AKR7A2: variants seen among roughly 807,000 people sequenced by gnomAD.
AKR7A2 encodes the protein aldo-keto reductase family 7 member A2.
AKR7A2 carries 29 observed loss-of-function variants against 37.3 expected under a neutral mutation model. The observed-to-expected ratio is 0.78, with a 90% CI of 0.58 to 1.06. AKR7A2 has a LOEUF of 1.06. Among genes scored for constraint, AKR7A2 ranks in the 50% least tolerant of loss-of-function variants. The pLI is 0.00. For missense variants in AKR7A2, 529 were observed against 497.9 expected, an observed-to-expected ratio of 1.06 and a Z score of -0.59; for synonymous variants, 228 against 217.8, an observed-to-expected ratio of 1.05 and a Z score of -0.41.
At chr1:19,303,282 A>G (rs962082275), downstream of AKR7A2, among the ~76,000 whole-genome samples, 3 of 152,198 alleles carry the variant, frequency 2.0e-5, no homozygotes, top group African/African-American at 7.2e-5. Context: ...CAAATAATAA[A>G]TATAAATGAA....
chr1:19,306,661 A>G (rs1423460370), intron 5 of AKR7A2, among the ~76,000 whole-genome samples: 1 of 151,224 alleles, frequency 6.6e-6, no homozygotes, highest in Non-Finnish European at 1.5e-5. Flanking sequence ...TGAACTCATG[A>G]GCTCAAGTAA....
chr1:19,308,943 G>A (rs757606215), intron 1 of AKR7A2, among the ~76,000 whole-genome samples: 4 of 152,128 alleles, frequency 2.6e-5, no homozygotes, highest in Non-Finnish European at 4.4e-5. Flanking sequence ...TGCCCTCCTG[G>A]AGCCCTAGAG....
intron 3 of AKR7A2, 128 bp from the exon 4 acceptor site, chr1:19,307,538 G>GAATA: frequency 2.0e-6 from 2 of 1,007,276 alleles, no homozygotes; most frequent in Non-Finnish European, 3.0e-6. Flanking sequence ...ACTACTGTTA[G>GAATA]TAGGGGATGG....
rs750643263 is a variant in AKR7A2 at position 19,311,819 on chromosome 1, A to G, written c.298+8T>C. 3.7e-6 allele frequency: 6 copies of G among 1,610,154 alleles called. No individual in the cohort carries two copies. In the South Asian group the frequency reaches 6.6e-5, roughly 18 times the overall value. ...CGATGCATGGGGAGGATCTGCAGCT[A>G]CTGTTACCTCTGCAGTCGCCACCGC... is the stretch of plus-strand genomic sequence containing the variant. On this transcript the variant is annotated splice_region_variant and intron_variant, in intron 1 of 6. Transcript: ENST00000235835.
chr1:19,308,463 G>A lies in AKR7A2; in HGVS notation c.478C>T (p.His160Tyr), dbSNP rs763565065. ...TCGGAGGGCCCCCTCACCTCCTGGT[G>A]CAGCCGCTGGCAGGCATGCAGCGTC... ...EETLHACQRL[H>Y]QEGKFVELGL... Residue 160 changes from histidine (H) to tyrosine (Y), a missense_variant, in exon 2 of 7, where the codon CAC (histidine) becomes TAC (tyrosine). His to Tyr is a moderately conservative substitution (Grantham distance 83). Transcript: ENST00000235835. 5.0e-6 allele frequency: 8 copies of A among 1,613,740 alleles called. No individual in the cohort carries two copies. The highest frequency in any genetic ancestry group is 1.7e-4 in the Middle Eastern group (1 of 5,770).
At chr1:19,304,899 G>A (rs909732509) in intron 6 of AKR7A2, among the ~76,000 whole-genome samples, 5 of 152,116 alleles carry the variant, frequency 3.3e-5, no homozygotes, top group African/African-American at 1.2e-4. Context: ...TGAGTGTGCT[G>A]CTGTTCTACC....
intron 1 of AKR7A2, 119 bp downstream of exon 1, chr1:19,311,708 G>A: frequency 7.7e-7 from 1 of 1,298,260 alleles, no homozygotes; most frequent in African/African-American, 1.5e-5. Flanking sequence ...GACCTGGGGT[G>A]GGGAGCGAGG....
chr1:19,308,623 G>C lies in AKR7A2; in HGVS notation c.318C>G (p.Ala106=), dbSNP rs2093766840. The change falls in exon 2 of 7, where the codon GCC becomes GCG. Residue 106 remains alanine (A), a synonymous_variant. Coordinates refer to ENST00000235835, the MANE Select transcript of AKR7A2 (RefSeq NM_003689.4). Reference sequence around the variant, plus strand: ...TTAGTGATTTTCCATCCCAAGGGTTGGCCTTGGTGGCAATTTTCACTTGGA... The same window carrying C: ...TTAGTGATTTTCCATCCCAAGGGTTCGCCTTGGTGGCAATTTTCACTTGGA... ...GDCRVKIATK[A]NPWDGKSLKP... 1 of 1,614,128 alleles carries C rather than the reference G, an allele frequency of 6.2e-7. No homozygotes were observed. Among genetic ancestry groups the C allele is most frequent in the African/African-American group, 1.3e-5 (1 of 75,046 alleles).
rs746613634 is a variant in AKR7A2, at chr1:19,312,075, G to C, written c.50C>G (p.Ala17Gly). 9.6e-6 allele frequency: 13 copies of C among 1,352,014 alleles called. No homozygotes were observed. The highest frequency in any genetic ancestry group is 1.2e-5 in the Non-Finnish European group (13 of 1,060,872). 83.8% of individuals were successfully genotyped at this position (1,352,014 alleles called of 1,614,324 possible). Residue 17 changes from alanine to glycine, a missense_variant, in exon 1 of 7, where the codon GCG (alanine) becomes GGG (glycine). Coordinates refer to ENST00000235835, the MANE Select transcript of AKR7A2 (RefSeq NM_003689.4). ...GGCCTCGGGCGGCGGAGAGCGAAGC[G>C]CGCAGTGGACGGCGGCGCGGGAGAC... ...RVVSRAAVHCALRSPPPEARA... is the reference protein window; with the variant it reads ...RVVSRAAVHCGLRSPPPEARA...
At position 19,308,230 on chromosome 1, in the gene AKR7A2, A is replaced by C. The variant is rs1445222455; in HGVS notation, c.519T>G (p.Tyr173Ter). 5.0e-6 allele frequency: 8 copies of C among 1,614,132 alleles called. No individual in the cohort carries two copies. The highest frequency in any genetic ancestry group is 6.8e-6 in the Non-Finnish European group (8 of 1,180,016). The stretch of plus-strand genomic sequence containing the variant: ...AGATCTCGGCCACTTCCCAGCTAGC[A>C]TAGTTGGAGAGGCCAAGCTCCACGA... ...GKFVELGLSN[Y>*]ASWEVAEICT... is the part of the protein sequence containing the mutation. Residue 173 changes from tyrosine to a stop codon, truncating the protein, a stop_gained, in exon 3 of 7, where the codon TAT becomes TAG. Coordinates refer to ENST00000235835, the MANE Select transcript of AKR7A2 (RefSeq NM_003689.4). LOFTEE classifies it high-confidence loss of function.
downstream of AKR7A2, among the ~76,000 whole-genome samples, chr1:19,303,648 G>A (rs541794231): frequency 3.3e-5 from 5 of 152,286 alleles, no homozygotes; most frequent in Middle Eastern, 6.8e-3. Context: ...TCTTCTTCTT[G>A]GTAGTGACTC....
rs2093764037 is a variant in AKR7A2, at chr1:19,307,556, G to T, written c.592-146C>A. The T allele has an allele frequency of 7.9e-6, 7 of 883,678 alleles. No individual in the cohort carries two copies. In the South Asian group the frequency reaches 9.2e-5, roughly 12 times the overall value. The allele number at this position is 883,678 out of a possible 1,614,324, so 54.7% of individuals were successfully genotyped here. On this transcript the variant is annotated intron_variant, in intron 3 of 6. Coordinates refer to ENST00000235835, the MANE Select transcript of AKR7A2 (RefSeq NM_003689.4). ...ACTGTTAGTAGGGGATGGAGGGAAG[G>T]TGTTGGGCCCAAGGACAGAAAATTG...
chr1:19,307,137 G>A (rs1297271948), intron 4 of AKR7A2, 36 bp from the exon 5 acceptor site: 2 of 1,611,638 alleles, frequency 1.2e-6, no homozygotes, highest in Non-Finnish European at 1.7e-6. Flanking sequence ...TGGCCCCAGA[G>A]TGCCCCAGAA....
chr1:19,306,926 G>A (rs1441911757), intron 5 of AKR7A2, 76 bp downstream of exon 5: 12 of 1,327,934 alleles, frequency 9.0e-6, no homozygotes, highest in African/African-American at 1.4e-5. Flanking sequence ...TCTTACCTCA[G>A]GAACAGCCCA....
intron 3 of AKR7A2, chr1:19,307,635 AC>A: frequency 1.7e-6 from 1 of 601,614 alleles, no homozygotes; most frequent in Non-Finnish European, 3.0e-6. Flanking sequence ...CATGCTGGAC[AC>A]TGGTTACAAC....
At chr1:19,305,289 A>G (rs1389006995) in intron 6 of AKR7A2, 1 of 154,440 alleles carries the variant, frequency 6.5e-6, no homozygotes. Context: ...ACACTATGCA[A>G]CATGGAAGGC....
At chr1:19,308,702 C>T (rs2093766965) in intron 1 of AKR7A2, 60 bp from the exon 2 acceptor site, 4 of 1,523,810 alleles carry the variant, frequency 2.6e-6, no homozygotes, top group Non-Finnish European at 3.6e-6. Flanking sequence ...ACCATGTAAC[C>T]CTGGCTAAAT....
At chr1:19,309,192 G>C (rs1215467696) in intron 1 of AKR7A2, among the ~76,000 whole-genome samples, 1 of 152,222 alleles carries the variant, frequency 6.6e-6, no homozygotes, top group South Asian at 2.1e-4. Flanking sequence ...TAAGTTATAA[G>C]AGCATAAATT....
In AKR7A2 at chr1:19,310,413, C is replaced by T. The variant is rs147473785; in HGVS notation, c.298+1414G>A. 2.8e-3 allele frequency among the ~76,000 whole-genome samples: 425 copies of T among 151,722 alleles called. 2 individuals carry two copies. The highest frequency in any genetic ancestry group is 9.7e-3 in the African/African-American group (402 of 41,456). On this transcript the variant is annotated intron_variant, in intron 1 of 6. Coordinates refer to ENST00000235835, the MANE Select transcript of AKR7A2 (RefSeq NM_003689.4). ...AATCTTCATTATTAATAGTATGTAA[C>T]GTGGCCGGGCGTGGTGGCTTACACC...
Sources: allele counts gnomAD v4.1 joint callset (sites outside exome capture counted in the v4.1 genomes callset), GRCh38; gene constraint gnomAD v4.1.1; transcripts MANE v1.5; gene names NCBI Gene and HGNC (gene_info 2026-07-23, HGNC 2026-07-21).